Variants in ADAP1 observed in about 807,000 individuals in gnomAD.
ADAP1 encodes ArfGAP with dual PH domains 1.
In ADAP1, 31 loss-of-function variants were observed where a neutral mutation model predicts 54.9. That is an observed-to-expected ratio of 0.56 (90% CI 0.42 to 0.76). ADAP1 has a LOEUF of 0.76. Ranked by LOEUF, ADAP1 falls within the 30% of genes least tolerant of loss-of-function variation. The pLI, the probability that ADAP1 is intolerant of heterozygous loss-of-function variation, is 0.00. For missense variants in ADAP1, 535 were observed against 512.4 expected (o/e 1.04, Z -0.42); for synonymous variants, 313 against 202.6 (o/e 1.55, Z -4.63).
chr7:905,620 AG>A (rs1284852069), intron 4 of ADAP1: 32 of 77,250 alleles, frequency 4.1e-4, no homozygotes, highest in Non-Finnish European at 5.1e-4. Context: ...GAAAGGAGAA[AG>A]GGAAAGGAGA....
intron 4 of ADAP1, among the ~76,000 whole-genome samples, chr7:906,949 C>T (rs1251032615): frequency 2.6e-5 from 4 of 152,090 alleles, no homozygotes; most frequent in African/African-American, 9.7e-5. Flanking sequence ...TACTGGCCCC[C>T]AGGGACCCTC....
Position 920,935 on chromosome 7 carries a change from C to A in ADAP1, c.306-885G>T, listed in dbSNP as rs909457452. ...ACCCTGTGGCTTCCTGCTGGGCCCA[C>A]GTGAACAGCCTTGGAGACTGGGCGG... On this transcript the variant is annotated intron_variant, in intron 3 of 10. Coordinates refer to ENST00000265846, the MANE Select transcript of ADAP1 (RefSeq NM_006869.4). This position sits in a 1 kb window ranked among gnomAD's most constrained non-coding sequence, Gnocchi z 4.5. 4 of 1,438,780 alleles carry A rather than the reference C, an allele frequency of 2.8e-6. No homozygotes were observed. The South Asian group carries it at 3.7e-5, about 13-fold the overall frequency. 89.1% of individuals were successfully genotyped at this position (1,438,780 alleles called of 1,614,324 possible). A position where few individuals can be genotyped will look rare whatever the true frequency, so the allele number is the denominator to read the frequency against.
At chr7:899,513 G>T (rs780968314) in intron 8 of ADAP1, 23 bp from the exon 9 acceptor site, 1 of 1,610,024 alleles carries the variant, frequency 6.2e-7, no homozygotes, top group South Asian at 1.1e-5. Flanking sequence ...GAGGGCCCGT[G>T]ACCGGCAGGT....
In ADAP1 at chr7:902,030, G is replaced by A. The variant is rs1844843571; in HGVS notation, c.649-1414C>T. On this transcript the variant is annotated intron_variant, in intron 6 of 10. Coordinates refer to ENST00000265846, the MANE Select transcript of ADAP1 (RefSeq NM_006869.4). Reference sequence around the variant, plus strand: ...CACGCTGGAGCTCTGTGACCCTGCAGGCTGCAGCGGAAACTCCCTCAGCTC... The same window carrying A: ...CACGCTGGAGCTCTGTGACCCTGCAAGCTGCAGCGGAAACTCCCTCAGCTC... Among the ~76,000 whole-genome samples, 3 of 152,250 alleles carry A rather than the reference G, an allele frequency of 2.0e-5. No individual in the cohort carries two copies. The South Asian group carries it at 6.2e-4, about 32-fold the overall frequency.
chr7:947,636 G>A (rs1259010034), intron 1 of ADAP1, among the ~76,000 whole-genome samples: 2 of 151,968 alleles, frequency 1.3e-5, no homozygotes, highest in Non-Finnish European at 2.9e-5. Context: ...AATATTTCAA[G>A]ACGATCCAGG....
chr7:898,979 C>G (rs779058822), intron 10 of ADAP1, 30 bp from the exon 11 acceptor site: 2 of 1,611,262 alleles, frequency 1.2e-6, no homozygotes, highest in Non-Finnish European at 1.7e-6. Context: ...AGCGTTGTCA[C>G]AGCGGCGGGG....
Position 935,435 on chromosome 7 carries a change from G to A in ADAP1, c.153C>T (p.Ile51=), listed in dbSNP as rs1290338711. The A allele has an allele frequency of 1.9e-6, 3 of 1,560,768 alleles. No homozygotes were observed. The highest frequency in any genetic ancestry group is 2.4e-5 in the East Asian group (1 of 41,626). ...CLSCSGIHRN[I]PQVSKVKSVR... ...CGGACTTCACCTTGCTGACCTGGGGGATATTCCGGTGGATTCCCGAGCAGC... is the reference window on the plus strand; with the variant it reads ...CGGACTTCACCTTGCTGACCTGGGGAATATTCCGGTGGATTCCCGAGCAGC... Residue 51 remains isoleucine (I), a synonymous_variant, in exon 2 of 11, where the codon ATC becomes ATT. Coordinates refer to ENST00000265846, the MANE Select transcript of ADAP1 (RefSeq NM_006869.4).
chr7:926,961 G>C lies in ADAP1; in HGVS notation c.214-317C>G. ...TTCAACCCCCAAGTCCACCCACACC[G>C]GGTGTCCCGTGGGAGAGAGCTGGCT... On this transcript the variant is annotated intron_variant, in intron 2 of 10. Transcript: ENST00000265846. This position sits in a 1 kb window ranked among gnomAD's most constrained non-coding sequence, Gnocchi z 4.6. 1 of 1,261,588 alleles carries C rather than the reference G, an allele frequency of 7.9e-7. No homozygotes were observed. The highest frequency in any genetic ancestry group is 1.6e-5 in the South Asian group (1 of 63,742). The allele number at this position is 1,261,588 out of a possible 1,614,324, so 78.1% of individuals were successfully genotyped here.
At position 945,510 on chromosome 7, in the gene ADAP1, G is replaced by A. The variant is rs1395037619; in HGVS notation, c.82+8886C>T. The stretch of plus-strand genomic sequence containing the variant: ...CAAAATGCCTGGAGTCAGCACCCAC[G>A]GCCTGTGGTGCCCCCAGAACAGGCC... On this transcript the variant is annotated intron_variant, in intron 1 of 10. Transcript: ENST00000265846. This position sits in a 1 kb window ranked among gnomAD's most constrained non-coding sequence, Gnocchi z 4.2. Among the ~76,000 whole-genome samples the A allele has an allele frequency of 1.3e-5, 2 of 152,236 alleles. No individual in the cohort carries two copies. The highest frequency in any genetic ancestry group is 3.8e-4 in the East Asian group (2 of 5,196).
chr7:931,223 G>A (rs973177708), intron 2 of ADAP1, among the ~76,000 whole-genome samples: 2 of 152,150 alleles, frequency 1.3e-5, no homozygotes, highest in Non-Finnish European at 2.9e-5. Flanking sequence ...GGTGCTCAAA[G>A]GTGGGAGACA....
intron 4 of ADAP1, among the ~76,000 whole-genome samples, chr7:911,359 G>C (rs964739657): frequency 6.6e-6 from 1 of 152,138 alleles, no homozygotes; most frequent in East Asian, 1.9e-4. Context: ...CCAGAGTGAC[G>C]TGTGGATGCC....
intron 4 of ADAP1, among the ~76,000 whole-genome samples, chr7:912,471 G>A (rs1845763535): frequency 6.6e-6 from 1 of 152,208 alleles, no homozygotes; most frequent in Non-Finnish European, 1.5e-5. Flanking sequence ...CAGTGACCTT[G>A]GCCCAGGGAG....
At chr7:944,589 G>A (rs1194604219) in intron 1 of ADAP1, among the ~76,000 whole-genome samples, 1 of 151,952 alleles carries the variant, frequency 6.6e-6, no homozygotes, top group Non-Finnish European at 1.5e-5. Context: ...ATTTTTGTGG[G>A]TACATAAGAG....
At chr7:919,222 CCA>C (rs1346767500) in intron 4 of ADAP1, among the ~76,000 whole-genome samples, 1 of 152,236 alleles carries the variant, frequency 6.6e-6, no homozygotes, top group Non-Finnish European at 1.5e-5. Context: ...CACAGTGTTG[CCA>C]CACAGAGGAC....
At position 905,303 on chromosome 7, in the gene ADAP1, G is replaced by GGAGACGGACGGGGA. The variant is rs1311225459; in HGVS notation, c.389-145_389-132dup. 1.6e-5 allele frequency: 8 copies of GGAGACGGACGGGGA among 515,568 alleles called. 1 individual carries two copies. Among genetic ancestry groups the GGAGACGGACGGGGA allele is most frequent in the South Asian group, 3.8e-5 (2 of 52,322 alleles). The allele number at this position is 515,568 out of a possible 1,614,324, so 31.9% of individuals were successfully genotyped here. A position where few individuals can be genotyped will look rare whatever the true frequency, so the allele number is the denominator to read the frequency against. ...ACACGGACGGGGGACACGGACAGGGGGAGACGGACGGGGAGAGGGGACATG... is the reference window on the plus strand; with the variant it reads ...ACACGGACGGGGGACACGGACAGGGGGAGACGGACGGGGAGAGACGGACGGGGAGAGGGGACATG... On this transcript the variant is annotated intron_variant, in intron 4 of 10. Transcript: ENST00000265846.
At chr7:900,698 A>AGGGGCTGGGGTCCCCACAGC in intron 6 of ADAP1, 82 bp from the exon 7 acceptor site, 1 of 1,214,762 alleles carries the variant, frequency 8.2e-7, no homozygotes, top group Non-Finnish European at 1.2e-6. Context: ...GTCCCCACAG[A>AGGGGCTGGGGTCCCCACAGC]GGGGCCGCTT....
chr7:936,662 A>G (rs148835356), intron 1 of ADAP1, among the ~76,000 whole-genome samples: 1 of 152,108 alleles, frequency 6.6e-6, no homozygotes, highest in East Asian at 1.9e-4. Context: ...AAGTCAAGGG[A>G]GTGGAATGGC....
intron 2 of ADAP1, among the ~76,000 whole-genome samples, chr7:932,014 C>T (rs901512850): frequency 6.6e-6 from 1 of 152,230 alleles, no homozygotes; most frequent in Non-Finnish European, 1.5e-5. Flanking sequence ...ACAGAGTCCC[C>T]AGCAAGAAGC....
At chr7:902,327 G>A (rs1035582301) in intron 6 of ADAP1, among the ~76,000 whole-genome samples, 2 of 149,214 alleles carry the variant, frequency 1.3e-5, no homozygotes, top group African/African-American at 2.5e-5. Context: ...GTGTGGTGGC[G>A]CATGCCTGTA....
Sources: gnomAD v4.1 joint callset for allele counts (sites outside exome capture counted in the v4.1 genomes callset) on GRCh38, gnomAD v4.1.1 for gene constraint, Gnocchi (gnomAD v3.1) non-coding constraint, MANE v1.5 for transcripts, NCBI Gene and HGNC (gene_info 2026-07-23, HGNC 2026-07-21) for gene names.